The following PI4KA variants were observed in gnomAD, a reference collection of about 807,000 sequenced individuals.
PI4KA encodes the protein phosphatidylinositol 4-kinase alpha.
In PI4KA, 122 loss-of-function variants were observed where a neutral mutation model predicts 271.4. The observed-to-expected ratio is 0.45, with a 90% CI of 0.39 to 0.52. The LOEUF (loss-of-function observed/expected upper bound fraction) is 0.52. Ranked by LOEUF, PI4KA falls within the 20% of genes least tolerant of loss-of-function variation. PI4KA has a pLI of 0.00. For missense variants in PI4KA, 1,969 were observed against 2,769.1 expected (o/e 0.71, Z 6.48); for synonymous variants, 1,041 against 1,078.8 (o/e 0.96, Z 0.69).
Position 20,730,025 on chromosome 22 carries a change from CATT to C in PI4KA, c.4289-17_4289-15del. On this transcript the variant is annotated splice_polypyrimidine_tract_variant and intron_variant, in intron 36 of 54. Coordinates refer to ENST00000255882, the MANE Select transcript of PI4KA (RefSeq NM_058004.4). ...TGTCCTGATTATCTGAGGGCAAACA[CATT>C]GTTGATTCTAGAGTGAGGTGGCTCA... 6.2e-7 allele frequency: 1 copy of C among 1,613,808 alleles called. No individual in the cohort carries two copies. The highest frequency in any genetic ancestry group is 1.1e-5 in the South Asian group (1 of 91,042).
At chr22:20,822,525 A>T (rs891544428) in intron 4 of PI4KA, among the ~76,000 whole-genome samples, 1 of 152,164 alleles carries the variant, frequency 6.6e-6, no homozygotes, top group Non-Finnish European at 1.5e-5. Context: ...GCCTTCTCCA[A>T]ATGAAATCAA....
At chr22:20,835,814 T>C (rs165753) in intron 2 of PI4KA, among the ~76,000 whole-genome samples, 75,412 of 151,808 alleles carry the variant, frequency 0.5, 19,294 homozygotes, top group African/African-American at 0.6. Context: ...TTTGGGAGGC[T>C]GAGGCAGGCG....
At chr22:20,715,134 G>T (rs1037076017) in intron 45 of PI4KA, among the ~76,000 whole-genome samples, 15 of 151,276 alleles carry the variant, frequency 9.9e-5, no homozygotes, top group African/African-American at 3.6e-4. Flanking sequence ...GCAGTGGTGC[G>T]ATCTTGGCTC....
Position 20,819,823 on chromosome 22 carries a change from A to C in PI4KA, c.607T>G (p.Ser203Ala). ...TTGGGAAAGAGCTTTGAGAGGAGAG[A>C]CTCTTCCATGTTGCTGTAACGCCCA... Reference protein sequence around the residue: ...AFGRYSNMEESLLSKLFPKIP... With the variant: ...AFGRYSNMEEALLSKLFPKIP... Residue 203 changes from serine (S) to alanine (A), a missense_variant, in exon 6 of 55, where the codon TCT (serine) becomes GCT (alanine). Ser to Ala is a moderately conservative substitution (Grantham distance 99). This residue lies in a region of PI4KA where 540 missense variants were observed against 555.5 expected (regional missense o/e 0.97). Coordinates refer to ENST00000255882, the MANE Select transcript of PI4KA (RefSeq NM_058004.4). 1 of 1,613,670 alleles carries C rather than the reference A, an allele frequency of 6.2e-7. No homozygotes were observed. The highest frequency in any genetic ancestry group is 1.1e-5 in the South Asian group (1 of 91,064).
chr22:20,736,457 G>C (rs561106552), intron 32 of PI4KA: 56 of 152,626 alleles, frequency 3.7e-4, no homozygotes, highest in Admixed American at 3.1e-3. Context: ...TGCGCCAACC[G>C]CATGTGGAGA....
intron 45 of PI4KA, among the ~76,000 whole-genome samples, chr22:20,716,414 T>C (rs1050579714): frequency 1.3e-5 from 2 of 152,228 alleles, no homozygotes; most frequent in Admixed American, 6.5e-5. Context: ...AGGGAAAGCC[T>C]GTTTCTGGCC....
chr22:20,719,991 A>T (rs1926511163), intron 43 of PI4KA, among the ~76,000 whole-genome samples: 1 of 138,252 alleles, frequency 7.2e-6, no homozygotes, highest in South Asian at 2.3e-4. Flanking sequence ...GTGCCACTGC[A>T]CTCCAGCCTG....
chr22:20,853,918 TA>T (rs1368784407), intron 1 of PI4KA, among the ~76,000 whole-genome samples: 1,526 of 103,792 alleles, frequency 0.015, 20 homozygotes, highest in African/African-American at 0.047. Context: ...TCTAATTAAA[TA>T]AAAAAAAAAA....
chr22:20,792,090 G>A (rs1024190347), intron 19 of PI4KA, among the ~76,000 whole-genome samples: 8 of 151,820 alleles, frequency 5.3e-5, no homozygotes, highest in Non-Finnish European at 1.0e-4. Flanking sequence ...GACAGAGTGA[G>A]AATCTGTCTC....
chr22:20,831,186 C>T (rs1924113273), intron 3 of PI4KA, among the ~76,000 whole-genome samples: 1 of 151,718 alleles, frequency 6.6e-6, no homozygotes, highest in Admixed American at 6.6e-5. Flanking sequence ...ATGTGCTTGT[C>T]TCAAAAAGAT....
At chr22:20,716,185 G>T (rs1437957361) in intron 45 of PI4KA, among the ~76,000 whole-genome samples, 1 of 152,162 alleles carries the variant, frequency 6.6e-6, no homozygotes, top group Non-Finnish European at 1.5e-5. Context: ...CGAGTAGCTG[G>T]GACTACAGGC....
chr22:20,746,939 C>T (rs1930180194), intron 29 of PI4KA, among the ~76,000 whole-genome samples: 1 of 152,220 alleles, frequency 6.6e-6, no homozygotes, highest in South Asian at 2.1e-4. Context: ...GCCTCTGCAC[C>T]TCCACATATC....
intron 7 of PI4KA, among the ~76,000 whole-genome samples, chr22:20,814,812 A>G (rs1409190999): frequency 3.3e-5 from 5 of 151,860 alleles, no homozygotes; most frequent in African/African-American, 1.2e-4. Flanking sequence ...AAAAAAAAAG[A>G]AGGAAAAAAA....
intron 16 of PI4KA, 132 bp downstream of exon 16, chr22:20,798,961 C>T (rs1482180943): frequency 4.2e-6 from 3 of 721,516 alleles, no homozygotes; most frequent in East Asian, 5.4e-5. Flanking sequence ...CTTACTACTC[C>T]GCATTAAAAC....
chr22:20,806,311 C>T (rs1935647744), intron 10 of PI4KA, among the ~76,000 whole-genome samples: 1 of 152,100 alleles, frequency 6.6e-6, no homozygotes, highest in South Asian at 2.1e-4. Flanking sequence ...CTGGGAAAAA[C>T]AAAATTCATG....
At chr22:20,821,630 T>C (rs1279848792) in intron 4 of PI4KA, among the ~76,000 whole-genome samples, 2 of 151,786 alleles carry the variant, frequency 1.3e-5, no homozygotes, top group Non-Finnish European at 2.9e-5. Flanking sequence ...TTCACTCTTG[T>C]TGCCCAGGCT....
chr22:20,759,813 C>T (rs371523992), intron 23 of PI4KA, among the ~76,000 whole-genome samples: 1 of 152,138 alleles, frequency 6.6e-6, no homozygotes, highest in African/African-American at 2.4e-5. Context: ...GATCTGCCTG[C>T]CTCGGCCTCT....
At chr22:20,744,927 A>G (rs1465884769) in intron 29 of PI4KA, among the ~76,000 whole-genome samples, 1 of 152,156 alleles carries the variant, frequency 6.6e-6, no homozygotes, top group Admixed American at 6.5e-5. Context: ...TAAAAAAAAA[A>G]GTCTCTGGAA....
intron 21 of PI4KA, 73 bp downstream of exon 21, chr22:20,765,027 T>C: frequency 6.3e-7 from 1 of 1,580,608 alleles, no homozygotes; most frequent in Non-Finnish European, 8.6e-7. Flanking sequence ...GCAACATGTG[T>C]TAATAATGAC....
Sources: gnomAD v4.1 joint callset for allele counts (sites outside exome capture counted in the v4.1 genomes callset) on GRCh38, gnomAD v4.1.1 for gene constraint, gnomAD v4.1.1 regional missense constraint, MANE v1.5 for transcripts, NCBI Gene and HGNC (gene_info 2026-07-23, HGNC 2026-07-21) for gene names.